Variants in TSPAN11 observed in about 807,000 individuals in gnomAD.
The protein encoded by TSPAN11 is tetraspanin-11.
Under a neutral mutation model 32.9 loss-of-function variants are expected in TSPAN11, and 29 were observed. The observed-to-expected ratio is 0.88, with a 90% CI of 0.66 to 1.20. TSPAN11 has a LOEUF of 1.20. Ranked by LOEUF, TSPAN11 falls within the 50% of genes most tolerant of loss-of-function variation. The pLI, the probability that TSPAN11 is intolerant of heterozygous loss-of-function variation, is 0.00. For missense variants in TSPAN11, 283 were observed against 329.1 expected, an observed-to-expected ratio of 0.86 and a Z score of 1.08; for synonymous variants, 140 against 141.3, an observed-to-expected ratio of 0.99 and a Z score of 0.07.
the TSPAN11 span, among the ~76,000 whole-genome samples, chr12:31,002,640 G>T: frequency 4.6e-5 from 7 of 152,132 alleles, no homozygotes; most frequent in African/African-American, 1.7e-4. The surrounding 1 kb of genome is among the most constrained non-coding windows in gnomAD (Gnocchi z 4.8). Flanking sequence ...CTGAGGGTCT[G>T]CGGGACAAAG....
rs1206960578 is a variant in TSPAN11, at chr12:30,979,744, G to T, written c.456+74G>T. On this transcript the variant is annotated intron_variant, in intron 5 of 7. Transcript: ENST00000546076. Reference sequence around the variant, plus strand: ...AATCCCGACTGTTCTTTCCTTTCTGGGTGACCCTAGGCAAGTTACTTACCC... The same window carrying T: ...AATCCCGACTGTTCTTTCCTTTCTGTGTGACCCTAGGCAAGTTACTTACCC... 3.3e-6 allele frequency: 5 copies of T among 1,495,772 alleles called. No individual in the cohort carries two copies. The African/African-American group carries it at 5.5e-5, about 16-fold the overall frequency. The allele number at this position is 1,495,772 out of a possible 1,614,324, so 92.7% of individuals were successfully genotyped here.
downstream of TSPAN11, among the ~76,000 whole-genome samples, chr12:30,999,873 C>T (rs1939461166): frequency 6.6e-6 from 1 of 152,056 alleles, no homozygotes; most frequent in Non-Finnish European, 1.5e-5. Flanking sequence ...TCTCACAGGG[C>T]CAAGGGAAAC....
chr12:30,931,164 G>A (rs1316985028), intron 1 of TSPAN11, among the ~76,000 whole-genome samples: 2 of 152,004 alleles, frequency 1.3e-5, no homozygotes, highest in Admixed American at 6.6e-5. Context: ...TATGTACTTC[G>A]TGTTTTGAAA....
chr12:31,011,785 G>A, the TSPAN11 span, among the ~76,000 whole-genome samples: 1 of 152,240 alleles, frequency 6.6e-6, no homozygotes, highest in Non-Finnish European at 1.5e-5. Flanking sequence ...AACCTTTGGG[G>A]TGGCACAGGG....
chr12:30,978,439 G>C, intron 3 of TSPAN11, 122 bp from the exon 4 acceptor site: 1 of 929,696 alleles, frequency 1.1e-6, no homozygotes, highest in Non-Finnish European at 1.7e-6. Context: ...CATCCAGGAG[G>C]AAGATGGCAT....
In TSPAN11 at chr12:30,953,996, C is replaced by T. The variant is rs781695140; in HGVS notation, c.5C>T (p.Ala2Val). The T allele has an allele frequency of 4.1e-5, 66 of 1,612,714 alleles. No individual in the cohort carries two copies. Among genetic ancestry groups the T allele is most frequent in the African/African-American group, 1.3e-5 (1 of 74,844 alleles). ...TTCTCTGCAGGCCCAGAAGCCATGG[C>T]CCACTATAAGACTGAGCAGGACGAC... Reference protein sequence around the residue: MAHYKTEQDDWL... With the variant: MVHYKTEQDDWL... The change falls in exon 2 of 8, where the codon GCC (alanine) becomes GTC (valine). Residue 2 changes from alanine (A) to valine (V), a missense_variant. Coordinates refer to ENST00000546076, the MANE Select transcript of TSPAN11 (RefSeq NM_001370302.1).
At chr12:30,964,375 G>T (rs371113038) in intron 3 of TSPAN11, among the ~76,000 whole-genome samples, 64 of 147,598 alleles carry the variant, frequency 4.3e-4, no homozygotes, top group Non-Finnish European at 8.8e-4. Context: ...TCCTTATCCC[G>T]TTTCCTTCTT....
chr12:30,934,020 C>G (rs1181797826), intron 1 of TSPAN11, among the ~76,000 whole-genome samples: 1 of 152,190 alleles, frequency 6.6e-6, no homozygotes, highest in Non-Finnish European at 1.5e-5. Context: ...AAATCCAAAC[C>G]TGGGAGTCCC....
intron 2 of TSPAN11, among the ~76,000 whole-genome samples, chr12:30,958,778 G>A (rs1486357045): frequency 6.6e-6 from 1 of 152,140 alleles, no homozygotes; most frequent in Non-Finnish European, 1.5e-5. Flanking sequence ...TCCTGGGGCA[G>A]GGGCAGGGGC....
intron 7 of TSPAN11, among the ~76,000 whole-genome samples, chr12:30,985,838 T>G (rs1415434921): frequency 6.6e-6 from 1 of 152,232 alleles, no homozygotes; most frequent in Admixed American, 6.5e-5. Flanking sequence ...TGTTGAGCAG[T>G]GCACCTGCAG....
downstream of TSPAN11, among the ~76,000 whole-genome samples, chr12:31,001,485 G>A (rs181687730): frequency 6.6e-6 from 1 of 152,306 alleles, no homozygotes; most frequent in East Asian, 1.9e-4. Context: ...CCTACTGGAT[G>A]ATTGGCCCTG....
At chr12:30,943,833 A>T (rs1938214830) in intron 1 of TSPAN11, among the ~76,000 whole-genome samples, 1 of 152,248 alleles carries the variant, frequency 6.6e-6, no homozygotes, top group Non-Finnish European at 1.5e-5. Flanking sequence ...CTAAGAGGGA[A>T]ACGGGCACAG....
the TSPAN11 span, among the ~76,000 whole-genome samples, chr12:31,014,477 A>G: frequency 6.6e-6 from 1 of 152,186 alleles, no homozygotes; most frequent in Non-Finnish European, 1.5e-5. Flanking sequence ...TTTTTTTTCA[A>G]CATTGAAACC....
At chr12:30,964,100 C>G (rs942613444) in intron 3 of TSPAN11, 83 bp downstream of exon 3, 1 of 1,512,014 alleles carries the variant, frequency 6.6e-7, no homozygotes, top group African/African-American at 1.4e-5. Flanking sequence ...GGGGCCCCAG[C>G]CCTGGAGTGG....
chr12:30,974,607 T>TAAA (rs1265425475), intron 3 of TSPAN11, among the ~76,000 whole-genome samples: 13 of 152,364 alleles, frequency 8.5e-5, no homozygotes, highest in African/African-American at 2.4e-4. Context: ...TATCAGGGGA[T>TAAA]GTCTGCTAAG....
At chr12:30,979,791 A>T in intron 5 of TSPAN11, 121 bp downstream of exon 5, 1 of 936,750 alleles carries the variant, frequency 1.1e-6, no homozygotes, top group Non-Finnish European at 1.6e-6. Flanking sequence ...CAAATGTCAC[A>T]TCCTTAAAAT....
chr12:30,929,441 A>G (rs910206339), intron 1 of TSPAN11, among the ~76,000 whole-genome samples: 4 of 152,202 alleles, frequency 2.6e-5, no homozygotes, highest in Admixed American at 2.0e-4. Flanking sequence ...CAACACAGCA[A>G]CAAGGGCTAT....
intron 1 of TSPAN11, among the ~76,000 whole-genome samples, chr12:30,937,604 G>A (rs1479530049): frequency 6.6e-6 from 1 of 152,170 alleles, no homozygotes; most frequent in Non-Finnish European, 1.5e-5. Flanking sequence ...GGCTAGGCAA[G>A]CTGTTCTGCT....
chr12:30,990,581 T>A (rs1402643177), intron 7 of TSPAN11, among the ~76,000 whole-genome samples: 1 of 152,150 alleles, frequency 6.6e-6, no homozygotes, highest in Non-Finnish European at 1.5e-5. Context: ...AAAGCAGTGT[T>A]CACACTCCAC....
Sources: gnomAD v4.1 joint callset for allele counts (sites outside exome capture counted in the v4.1 genomes callset) on GRCh38, gnomAD v4.1.1 for gene constraint, Gnocchi (gnomAD v3.1) non-coding constraint, MANE v1.5 for transcripts, NCBI Gene and HGNC (gene_info 2026-07-23, HGNC 2026-07-21) for gene names.